The following CBLN2 variants were observed in gnomAD, a reference collection of about 807,000 sequenced individuals.
CBLN2 encodes the protein cerebellin-2.
CBLN2 carries 7 observed loss-of-function variants against 15.0 expected under a neutral mutation model. The observed-to-expected ratio is 0.47, with a 90% CI of 0.27 to 0.88. The LOEUF is 0.88. CBLN2 is among the 40% of genes least tolerant of loss of function. CBLN2 has a pLI of 0.14. For synonymous variants in CBLN2, 149 were observed against 135.2 expected (o/e 1.10, Z -0.71); for missense variants, 242 against 304.5 (o/e 0.79, Z 1.53).
upstream of CBLN2, among the ~76,000 whole-genome samples, chr18:72,547,319 A>G (rs989980089): frequency 1.3e-5 from 2 of 152,130 alleles, no homozygotes; most frequent in African/African-American, 2.4e-5. Flanking sequence ...GAACAAAGAG[A>G]GCAGAATAAC....
intron 1 of CBLN2, among the ~76,000 whole-genome samples, chr18:72,628,679 G>A (rs1295305581): frequency 6.6e-6 from 1 of 152,172 alleles, no homozygotes; most frequent in African/African-American, 2.4e-5. Flanking sequence ...TCATTGAAGG[G>A]GGAACTGTTT....
chr18:72,546,687 T>C (rs932086012), upstream of CBLN2, among the ~76,000 whole-genome samples: 5 of 152,112 alleles, frequency 3.3e-5, no homozygotes, highest in African/African-American at 1.2e-4. Flanking sequence ...GTGTGAGATA[T>C]TGCACCATGT....
intron 1 of CBLN2, among the ~76,000 whole-genome samples, chr18:72,609,605 C>T (rs1473411195): frequency 6.6e-6 from 1 of 152,150 alleles, no homozygotes; most frequent in Non-Finnish European, 1.5e-5. Flanking sequence ...ATAACCTCTA[C>T]CTACAGCTAT....
chr18:72,577,009 TATATATA>T (rs2069372104), intron 1 of CBLN2, among the ~76,000 whole-genome samples: 1 of 102,680 alleles, frequency 9.7e-6, no homozygotes, highest in Non-Finnish European at 2.1e-5. Flanking sequence ...TGATAATTTA[TATATATA>T]ATGTGATATA....
intron 1 of CBLN2, among the ~76,000 whole-genome samples, chr18:72,602,928 G>A (rs1404796660): frequency 2.0e-5 from 3 of 152,186 alleles, no homozygotes; most frequent in Non-Finnish European, 4.4e-5. Context: ...AACCCTACCT[G>A]ATTCCACCTT....
intron 1 of CBLN2, among the ~76,000 whole-genome samples, chr18:72,633,767 A>G (rs550691708): frequency 6.6e-6 from 1 of 152,292 alleles, no homozygotes; most frequent in East Asian, 1.9e-4. Context: ...TTTAAACTGC[A>G]AATTGAATTT....
At chr18:72,618,629 G>T in intron 1 of CBLN2, 1 of 983,780 alleles carries the variant, frequency 1.0e-6, no homozygotes, top group African/African-American at 1.6e-5. Flanking sequence ...CATCACCTAA[G>T]AGATTATTTT....
chr18:72,587,046 G>A (rs12959590), intron 1 of CBLN2, among the ~76,000 whole-genome samples: 80,798 of 151,622 alleles, frequency 0.53, 25,978 homozygotes, highest in Non-Finnish European at 0.73. Context: ...TCAAAATAGC[G>A]TATCATCAAC....
rs764078682 is a variant in CBLN2 at position 72,537,812 on chromosome 18, T to C, written c.*364A>G. 11 of 304,686 alleles carry C rather than the reference T, an allele frequency of 3.6e-5. No individual in the cohort carries two copies. Among genetic ancestry groups the C allele is most frequent in the Non-Finnish European group, 6.3e-5 (10 of 159,374 alleles). The allele number at this position is 304,686 out of a possible 1,614,324, so 18.9% of individuals were successfully genotyped here. ...CTGCAACCTGCAGCCCATCCTGGAG[T>C]CAGGAGCTCTCCTTCCGTTGGGACG... On this transcript the variant is annotated 3_prime_UTR_variant, in exon 5 of 5. Transcript: ENST00000269503.
chr18:72,637,298 C>T (rs1245725455), intron 1 of CBLN2, among the ~76,000 whole-genome samples: 1 of 151,918 alleles, frequency 6.6e-6, no homozygotes, highest in Non-Finnish European at 1.5e-5. Flanking sequence ...AAAAAATGGC[C>T]CTCCTACGTA....
At chr18:72,552,702 T>A (rs1000185150) in intron 1 of CBLN2, 6 of 152,150 alleles carry the variant, frequency 3.9e-5, no homozygotes, top group African/African-American at 1.4e-4. Context: ...TAATTTTAAA[T>A]AATATATTTC....
At chr18:72,546,462 TAAGTC>T (rs2069159217), upstream of CBLN2, among the ~76,000 whole-genome samples, 1 of 152,110 alleles carries the variant, frequency 6.6e-6, no homozygotes, top group South Asian at 2.1e-4. Flanking sequence ...AAAAGATATT[TAAGTC>T]AAGTGTTGGA....
At chr18:72,609,160 C>T (rs2069604194) in intron 1 of CBLN2, among the ~76,000 whole-genome samples, 1 of 152,078 alleles carries the variant, frequency 6.6e-6, no homozygotes, top group Admixed American at 6.6e-5. Context: ...TTGACTGACT[C>T]TTTTATAACT....
intron 1 of CBLN2, among the ~76,000 whole-genome samples, chr18:72,552,399 T>A (rs560805394): frequency 1.1e-4 from 17 of 152,250 alleles, no homozygotes; most frequent in African/African-American, 3.9e-4. Context: ...ACTTTTTTTT[T>A]AATAGAAGAA....
intron 1 of CBLN2, among the ~76,000 whole-genome samples, chr18:72,561,455 C>G (rs2069260874): frequency 6.6e-6 from 1 of 152,218 alleles, no homozygotes; most frequent in South Asian, 2.1e-4. Context: ...TATTTTATCT[C>G]CTTCTCTCTC....
intron 1 of CBLN2, among the ~76,000 whole-genome samples, chr18:72,613,508 C>CATTTCT (rs2069637681): frequency 1.1e-5 from 1 of 93,474 alleles, no homozygotes; most frequent in Non-Finnish European, 3.1e-5. Context: ...AAAGATTAAC[C>CATTTCT]TGCAATTCCA....
intron 1 of CBLN2, among the ~76,000 whole-genome samples, chr18:72,629,084 T>G (rs757997970): frequency 1.1e-4 from 17 of 152,308 alleles, no homozygotes; most frequent in Admixed American, 8.5e-4. Flanking sequence ...TAAACTAAGC[T>G]GTTCCAGTCC....
chr18:72,562,396 C>A (rs1039083818), intron 1 of CBLN2, among the ~76,000 whole-genome samples: 1 of 152,092 alleles, frequency 6.6e-6, no homozygotes, highest in Non-Finnish European at 1.5e-5. Flanking sequence ...GGAATGAAAT[C>A]ATATAAGAAG....
At chr18:72,546,434 T>G (rs920249383), upstream of CBLN2, among the ~76,000 whole-genome samples, 71 of 149,914 alleles carry the variant, frequency 4.7e-4, no homozygotes, top group African/African-American at 1.6e-3. Flanking sequence ...AGCGAGACGC[T>G]CTCTCTCAAA....
Sources: allele counts gnomAD v4.1 joint callset (sites outside exome capture counted in the v4.1 genomes callset), GRCh38; gene constraint gnomAD v4.1.1; transcripts MANE v1.5; gene names NCBI Gene and HGNC (gene_info 2026-07-23, HGNC 2026-07-21).